Variants in SNX29 observed in about 807,000 individuals in gnomAD.
SNX29 encodes the protein sorting nexin-29.
Under a neutral mutation model 102.1 loss-of-function variants are expected in SNX29, and 78 were observed. That is an observed-to-expected ratio of 0.76 (90% CI 0.64 to 0.92). The LOEUF (loss-of-function observed/expected upper bound fraction) is 0.92. Among genes scored for constraint, SNX29 ranks in the 40% least tolerant of loss-of-function variants. The probability of loss-of-function intolerance (pLI) is 0.00; values close to 1 mark genes in which losing one functional copy is unlikely to be tolerated. For missense variants in SNX29, 1,280 were observed against 1,061.7 expected, an observed-to-expected ratio of 1.21 and a Z score of -2.86; for synonymous variants, 580 against 414.5, an observed-to-expected ratio of 1.40 and a Z score of -4.85.
chr16:12,534,307 T>C (rs566118498), intron 20 of SNX29, among the ~76,000 whole-genome samples: 3 of 152,350 alleles, frequency 2.0e-5, no homozygotes, highest in African/African-American at 7.2e-5. Context: ...GACGTGCTCC[T>C]AATGAGGGCC....
chr16:12,413,666 CCT>C (rs1303738565), intron 18 of SNX29, among the ~76,000 whole-genome samples: 4 of 152,122 alleles, frequency 2.6e-5, no homozygotes. Context: ...GCTTGTTCAT[CCT>C]CTCTCCTGTT....
At chr16:12,277,890 G>T (rs376365556) in intron 14 of SNX29, 43 bp from the exon 15 acceptor site, 1 of 1,519,636 alleles carries the variant, frequency 6.6e-7, no homozygotes, top group Non-Finnish European at 9.0e-7. Context: ...AATAATTTTC[G>T]ATACTGTTGA....
chr16:12,547,770 C>T (rs1228944406), intron 20 of SNX29, among the ~76,000 whole-genome samples: 2 of 152,176 alleles, frequency 1.3e-5, no homozygotes, highest in African/African-American at 2.4e-5. Context: ...CAGCTGCTCA[C>T]ACTTGCCTGG....
chr16:12,570,322 C>T lies in SNX29; in HGVS notation c.*1693C>T, dbSNP rs2079160266. 4.3e-6 allele frequency: 4 copies of T among 937,184 alleles called. No homozygotes were observed. The highest frequency in any genetic ancestry group is 5.2e-6 in the Non-Finnish European group (4 of 762,518). 58.1% of individuals were successfully genotyped at this position (937,184 alleles called of 1,614,324 possible). A position where few individuals can be genotyped will look rare whatever the true frequency, so the allele number is the denominator to read the frequency against. On this transcript the variant is annotated 3_prime_UTR_variant, in exon 21 of 21. Transcript: ENST00000566228. Reference sequence around the variant, plus strand: ...GAGGACCCGAGACATCCTGTAAAGGCAACTTGGTCTCCCTCCCACTCACCT... The same window carrying T: ...GAGGACCCGAGACATCCTGTAAAGGTAACTTGGTCTCCCTCCCACTCACCT...
intron 18 of SNX29, among the ~76,000 whole-genome samples, chr16:12,455,812 T>TG (rs1268443096): frequency 6.6e-6 from 1 of 152,210 alleles, no homozygotes; most frequent in African/African-American, 2.4e-5. Flanking sequence ...TGGCCCGGTA[T>TG]GGAGGGTAAG....
At chr16:12,204,348 A>T (rs1055080552) in intron 14 of SNX29, among the ~76,000 whole-genome samples, 3 of 152,140 alleles carry the variant, frequency 2.0e-5, no homozygotes, top group African/African-American at 7.2e-5. Flanking sequence ...TTTCCTGGAT[A>T]CAGGCCTGTT....
chr16:12,138,016 C>T (rs1292386881), intron 13 of SNX29, among the ~76,000 whole-genome samples: 1 of 152,096 alleles, frequency 6.6e-6, no homozygotes, highest in Admixed American at 6.5e-5. Context: ...CAGGACTCAA[C>T]AGAAAAGAGT....
At position 12,572,745 on chromosome 16, in the gene SNX29, G is replaced by A. The variant is rs955879597; in HGVS notation, c.*4116G>A. On this transcript the variant is annotated 3_prime_UTR_variant, in exon 21 of 21. Transcript: ENST00000566228. ...GAACTGATGGCAAAGGAAGGGCTGG[G>A]TTTTCAGCTTCTGGGACCCGAGGAA... The A allele has an allele frequency of 9.4e-6, 10 of 1,064,036 alleles. No individual in the cohort carries two copies. Among genetic ancestry groups the A allele is most frequent in the Admixed American group, 5.4e-5 (1 of 18,678 alleles). The allele number at this position is 1,064,036 out of a possible 1,614,324, so 65.9% of individuals were successfully genotyped here.
At chr16:12,552,890 G>T (rs1043459493) in intron 20 of SNX29, among the ~76,000 whole-genome samples, 1 of 152,222 alleles carries the variant, frequency 6.6e-6, no homozygotes, top group Non-Finnish European at 1.5e-5. Flanking sequence ...TGGACATGGA[G>T]GCAGGAGATA....
chr16:12,276,065 G>C (rs1307788855), intron 14 of SNX29, among the ~76,000 whole-genome samples: 1 of 151,722 alleles, frequency 6.6e-6, no homozygotes, highest in Non-Finnish European at 1.5e-5. Flanking sequence ...GCTGATTTTT[G>C]TATTTTTAGT....
intron 18 of SNX29, among the ~76,000 whole-genome samples, chr16:12,450,010 T>C (rs773031615): frequency 1.3e-5 from 2 of 152,132 alleles, no homozygotes; most frequent in East Asian, 1.9e-4. Context: ...ACTGTTGTTA[T>C]GATGGTGAGT....
intron 20 of SNX29, among the ~76,000 whole-genome samples, chr16:12,550,791 G>C (rs542471625): frequency 4.3e-5 from 4 of 93,502 alleles, no homozygotes; most frequent in Admixed American, 3.9e-4. Context: ...GCTGAGATAA[G>C]GAAGAGGGAG....
intron 15 of SNX29, among the ~76,000 whole-genome samples, chr16:12,299,542 G>A (rs1362757254): frequency 1.3e-5 from 2 of 152,076 alleles, no homozygotes; most frequent in Non-Finnish European, 2.9e-5. Context: ...TGTTCCTCCA[G>A]GGGGCCCTGG....
At chr16:12,408,182 A>T in intron 18 of SNX29, among the ~76,000 whole-genome samples, 1 of 138,742 alleles carries the variant, frequency 7.2e-6, no homozygotes. Context: ...ACAAACAAAA[A>T]AAAAACTAGA....
chr16:12,540,411 C>G (rs907862005), intron 20 of SNX29, among the ~76,000 whole-genome samples: 7 of 152,206 alleles, frequency 4.6e-5, no homozygotes, highest in African/African-American at 1.7e-4. Flanking sequence ...TGGCTAAAAA[C>G]TACAGATTTA....
intron 16 of SNX29, among the ~76,000 whole-genome samples, chr16:12,364,212 T>TGTTATGTTATGTTATGTTATGTTAA (rs774751996): frequency 1.6e-4 from 24 of 150,074 alleles, no homozygotes; most frequent in African/African-American, 4.2e-4. Context: ...TGTTATGTTA[T>TGTTATGTTATGTTATGTTATGTTAA]GTTATTTTTG....
At chr16:12,418,368 A>AT (rs1282542425) in intron 18 of SNX29, among the ~76,000 whole-genome samples, 1 of 119,042 alleles carries the variant, frequency 8.4e-6, no homozygotes, top group Non-Finnish European at 2.0e-5. Context: ...TGAGGATTGT[A>AT]TTTATTTTTT....
chr16:12,144,094 C>T (rs1298386359), intron 13 of SNX29, among the ~76,000 whole-genome samples: 1 of 152,152 alleles, frequency 6.6e-6, no homozygotes, highest in Non-Finnish European at 1.5e-5. Context: ...AATAAGCTCC[C>T]AGGTGACACT....
chr16:12,367,824 G>T (rs531078125), intron 16 of SNX29, among the ~76,000 whole-genome samples: 2 of 152,342 alleles, frequency 1.3e-5, no homozygotes, highest in East Asian at 3.9e-4. Flanking sequence ...TCTTGAAGGA[G>T]ATTATTTTTA....
Sources: allele counts gnomAD v4.1 joint callset (sites outside exome capture counted in the v4.1 genomes callset), GRCh38; gene constraint gnomAD v4.1.1; transcripts MANE v1.5; gene names NCBI Gene and HGNC (gene_info 2026-07-23, HGNC 2026-07-21).